The following TMEM132B variants were observed in gnomAD, a reference collection of about 807,000 sequenced individuals.
TMEM132B encodes the protein transmembrane protein 132B.
Under a neutral mutation model 90.8 loss-of-function variants are expected in TMEM132B, and 18 were observed. That is an observed-to-expected ratio of 0.20 (90% confidence interval 0.14 to 0.29). The LOEUF is 0.29. TMEM132B is among the 10% of genes least tolerant of loss of function. The pLI is 1.00. For missense variants in TMEM132B, 1,096 were observed against 1,326.8 expected (o/e 0.83, Z 2.70); for synonymous variants, 504 against 523.3 (o/e 0.96, Z 0.50).
intron 3 of TMEM132B, among the ~76,000 whole-genome samples, chr12:125,427,574 G>T (rs1880355975): frequency 6.6e-6 from 1 of 152,202 alleles, no homozygotes; most frequent in South Asian, 2.1e-4. Flanking sequence ...TGGGGCCAAA[G>T]AGAAACTTTG....
chr12:125,393,014 A>G (rs74785685), intron 2 of TMEM132B, among the ~76,000 whole-genome samples: 45 of 152,278 alleles, frequency 3.0e-4, no homozygotes, highest in African/African-American at 9.6e-4. Context: ...AAGGGCTCCA[A>G]CACCAAGTTT....
chr12:125,427,368 T>C (rs1272783165), intron 3 of TMEM132B, among the ~76,000 whole-genome samples: 2 of 152,108 alleles, frequency 1.3e-5, no homozygotes, highest in Non-Finnish European at 2.9e-5. Context: ...CCATTATAGA[T>C]GGGGAAACTG....
chr12:125,271,597 G>T (rs1482297518), intron 1 of TMEM132B, among the ~76,000 whole-genome samples: 1 of 152,094 alleles, frequency 6.6e-6, no homozygotes, highest in African/African-American at 2.4e-5. Context: ...CTCACCTCTG[G>T]TGCTCTCTCT....
chr12:125,576,895 A>AG (rs1884953072), intron 4 of TMEM132B, among the ~76,000 whole-genome samples: 1 of 150,424 alleles, frequency 6.6e-6, no homozygotes. Context: ...TGTGTGTGGC[A>AG]GGGGGGTGGG....
chr12:125,523,072 C>T (rs1000060995), intron 4 of TMEM132B, among the ~76,000 whole-genome samples: 1 of 152,170 alleles, frequency 6.6e-6, no homozygotes, highest in Non-Finnish European at 1.5e-5. Flanking sequence ...ATTTGCTCAG[C>T]AAATGAACAA....
chr12:125,339,698 C>T (rs1242464606), intron 1 of TMEM132B, among the ~76,000 whole-genome samples: 2 of 152,184 alleles, frequency 1.3e-5, no homozygotes, highest in African/African-American at 4.8e-5. Flanking sequence ...GGAGATAGAG[C>T]AGCCACTGTG....
At chr12:125,636,042 G>T (rs1463292541) in intron 5 of TMEM132B, among the ~76,000 whole-genome samples, 2 of 152,150 alleles carry the variant, frequency 1.3e-5, no homozygotes, top group Non-Finnish European at 2.9e-5. Context: ...GGTGGTGGTG[G>T]TGATTCGAGA....
intron 3 of TMEM132B, among the ~76,000 whole-genome samples, chr12:125,517,017 G>GTT (rs1321739936): frequency 1.3e-4 from 20 of 152,306 alleles, no homozygotes; most frequent in Non-Finnish European, 7.4e-5. Context: ...TGAGCTGAAA[G>GTT]CTCAGCCCTT....
intron 1 of TMEM132B, among the ~76,000 whole-genome samples, chr12:125,304,997 TAAG>T: frequency 6.6e-6 from 1 of 152,294 alleles, no homozygotes. Flanking sequence ...TTGTTGGAAG[TAAG>T]ACATTTGCTT....
chr12:125,205,635 C>T (rs910725588), intron 1 of TMEM132B, among the ~76,000 whole-genome samples: 1 of 152,254 alleles, frequency 6.6e-6, no homozygotes, highest in African/African-American at 2.4e-5. Flanking sequence ...ATGGCCGGGG[C>T]TGCTGGGCCT....
intron 1 of TMEM132B, among the ~76,000 whole-genome samples, chr12:125,193,689 C>T (rs1872853695): frequency 6.6e-6 from 1 of 152,178 alleles, no homozygotes; most frequent in Non-Finnish European, 1.5e-5. Context: ...GTGCCTGGCA[C>T]ACAGCAAGTG....
intron 5 of TMEM132B, among the ~76,000 whole-genome samples, chr12:125,623,843 C>T (rs1487653219): frequency 6.6e-6 from 1 of 152,210 alleles, no homozygotes; most frequent in African/African-American, 2.4e-5. Flanking sequence ...GAATTTTAAC[C>T]TCACCTTCAG....
intron 2 of TMEM132B, among the ~76,000 whole-genome samples, chr12:125,383,134 CTTG>C (rs1878732672): frequency 6.6e-6 from 1 of 152,148 alleles, no homozygotes; most frequent in South Asian, 2.1e-4. Flanking sequence ...GAGACGGCCT[CTTG>C]TTGTAGATAA....
At chr12:125,393,604 C>T (rs1382203577) in intron 2 of TMEM132B, among the ~76,000 whole-genome samples, 3 of 152,064 alleles carry the variant, frequency 2.0e-5, no homozygotes, top group Non-Finnish European at 2.9e-5. Context: ...ACGGTATATG[C>T]GAACACCCAC....
At chr12:125,413,848 G>C (rs539386727) in intron 2 of TMEM132B, among the ~76,000 whole-genome samples, 1 of 151,942 alleles carries the variant, frequency 6.6e-6, no homozygotes, top group East Asian at 1.9e-4. Context: ...AATTCATTTA[G>C]GTATATACCT....
At chr12:125,625,369 A>G (rs966031971) in intron 5 of TMEM132B, among the ~76,000 whole-genome samples, 3 of 151,952 alleles carry the variant, frequency 2.0e-5, no homozygotes, top group Non-Finnish European at 4.4e-5. Context: ...TCGTGACCTC[A>G]TGATCCGCCC....
chr12:125,212,779 C>T (rs1873349670), intron 1 of TMEM132B, among the ~76,000 whole-genome samples: 3 of 152,180 alleles, frequency 2.0e-5, no homozygotes, highest in African/African-American at 7.2e-5. Context: ...CCACCATGCC[C>T]AGCCCTCTTT....
intron 1 of TMEM132B, among the ~76,000 whole-genome samples, chr12:125,298,281 C>T (rs111913147): frequency 8.8e-4 from 134 of 151,446 alleles, no homozygotes; most frequent in African/African-American, 3.1e-3. Context: ...AAAATGAAAA[C>T]AAAAAAACCC....
chr12:125,586,205 C>T (rs1223356508), intron 5 of TMEM132B: 1 of 152,136 alleles, frequency 6.6e-6, no homozygotes, highest in East Asian at 1.9e-4. Context: ...TCTTGCAGGG[C>T]TCACCAAAGA....
Sources: allele counts gnomAD v4.1 joint callset (sites outside exome capture counted in the v4.1 genomes callset), GRCh38; gene constraint gnomAD v4.1.1; transcripts MANE v1.5; gene names NCBI Gene and HGNC (gene_info 2026-07-23, HGNC 2026-07-21).